HPSE2: variants seen among roughly 807,000 people sequenced by gnomAD.
HPSE2 encodes the protein heparanase 2 (inactive).
In HPSE2, 38 loss-of-function variants were observed where a neutral mutation model predicts 60.5. The observed-to-expected ratio is 0.63, with a 90% confidence interval of 0.48 to 0.82. The LOEUF is 0.82. HPSE2 is among the 40% of genes least tolerant of loss of function. The pLI is 0.00. For missense variants in HPSE2, 713 were observed against 740.4 expected, an observed-to-expected ratio of 0.96 and a Z score of 0.43; for synonymous variants, 295 against 293.2, an observed-to-expected ratio of 1.01 and a Z score of -0.06.
At chr10:98,736,732 T>C (rs1351864851) in intron 4 of HPSE2, among the ~76,000 whole-genome samples, 2 of 152,336 alleles carry the variant, frequency 1.3e-5, no homozygotes, top group Middle Eastern at 3.4e-3. Flanking sequence ...AAGTTTATCC[T>C]AACTTTACCT....
chr10:98,950,148 T>A (rs1179629428), intron 3 of HPSE2, among the ~76,000 whole-genome samples: 1 of 152,076 alleles, frequency 6.6e-6, no homozygotes, highest in Non-Finnish European at 1.5e-5. Context: ...GCTTGCTTCA[T>A]CAGAACAAGC....
At chr10:98,904,062 T>C (rs1451560764) in intron 3 of HPSE2, among the ~76,000 whole-genome samples, 6 of 152,192 alleles carry the variant, frequency 3.9e-5, no homozygotes, top group Admixed American at 3.9e-4. Flanking sequence ...TAAACATGTC[T>C]ACAAAAGTAT....
At chr10:99,221,193 T>A (rs1230948080) in intron 2 of HPSE2, among the ~76,000 whole-genome samples, 1 of 152,146 alleles carries the variant, frequency 6.6e-6, no homozygotes, top group Non-Finnish European at 1.5e-5. Flanking sequence ...AGAGTATTCA[T>A]GTGCATGCAT....
chr10:99,120,103 T>A (rs1025509314), intron 3 of HPSE2, among the ~76,000 whole-genome samples: 1 of 152,140 alleles, frequency 6.6e-6, no homozygotes, highest in Non-Finnish European at 1.5e-5. Context: ...CAGGATCTAA[T>A]TAAACTAAAG....
intron 4 of HPSE2, among the ~76,000 whole-genome samples, chr10:98,726,019 A>G (rs1327625025): frequency 6.6e-6 from 1 of 152,148 alleles, no homozygotes; most frequent in Non-Finnish European, 1.5e-5. Flanking sequence ...AAATAGGAAC[A>G]CTTTTACACC....
intron 2 of HPSE2, among the ~76,000 whole-genome samples, chr10:99,218,094 AT>A (rs1421112647): frequency 6.6e-6 from 1 of 152,032 alleles, no homozygotes; most frequent in Non-Finnish European, 1.5e-5. Context: ...TATTATTATA[AT>A]ACCTGGAAAC....
intron 3 of HPSE2, among the ~76,000 whole-genome samples, chr10:98,867,085 G>A (rs1219266642): frequency 1.3e-5 from 2 of 152,128 alleles, no homozygotes; most frequent in East Asian, 3.9e-4. Flanking sequence ...CATTAACAGA[G>A]TTTATAGGTC....
intron 3 of HPSE2, among the ~76,000 whole-genome samples, chr10:99,043,857 T>A (rs1304838972): frequency 6.6e-6 from 1 of 151,924 alleles, no homozygotes; most frequent in East Asian, 1.9e-4. Flanking sequence ...CTCCAAGAAA[T>A]ATGAGATTCT....
intron 2 of HPSE2, among the ~76,000 whole-genome samples, chr10:99,209,205 A>G (rs1339194342): frequency 6.6e-6 from 1 of 152,234 alleles, no homozygotes; most frequent in African/African-American, 2.4e-5. Flanking sequence ...TCTTGAGCAC[A>G]TACAGAAAAT....
At position 99,037,351 on chromosome 10, in the gene HPSE2, T is replaced by C. The variant is rs149043689; in HGVS notation, c.610+106887A>G. 2.8e-3 allele frequency among the ~76,000 whole-genome samples: 432 copies of C among 152,240 alleles called. 2 individuals are homozygous for C. The highest frequency in any genetic ancestry group is 0.01 in the Middle Eastern group (3 of 294). ...GTATTATACAATATCTCTTTCTTAG[T>C]TCTGATAATCATACCATAGTTATAC... On this transcript the variant is annotated intron_variant, in intron 3 of 11. Transcript: ENST00000370552.
the HPSE2 span, among the ~76,000 whole-genome samples, chr10:99,268,169 T>C: frequency 1.3e-5 from 2 of 152,062 alleles, no homozygotes; most frequent in East Asian, 3.9e-4. Flanking sequence ...ATGAAACAAT[T>C]ATCAGCCAAG....
At chr10:99,305,096 G>C in the HPSE2 span, among the ~76,000 whole-genome samples, 1 of 152,212 alleles carries the variant, frequency 6.6e-6, no homozygotes, top group East Asian at 1.9e-4. Context: ...TAGAGGCTGA[G>C]AATCCACACT....
intron 2 of HPSE2, among the ~76,000 whole-genome samples, chr10:99,208,732 TA>T (rs1216107195): frequency 6.6e-6 from 1 of 151,606 alleles, no homozygotes; most frequent in East Asian, 1.9e-4. Context: ...TGAATGGATT[TA>T]AAAAAATACT....
At chr10:99,188,555 A>G (rs1430639183) in intron 2 of HPSE2, among the ~76,000 whole-genome samples, 1 of 152,186 alleles carries the variant, frequency 6.6e-6, no homozygotes, top group African/African-American at 2.4e-5. Context: ...TAATTGAGAT[A>G]TCTACTAAAT....
At chr10:98,842,994 TG>T (rs1393381399) in intron 3 of HPSE2, among the ~76,000 whole-genome samples, 1 of 152,172 alleles carries the variant, frequency 6.6e-6, no homozygotes, top group East Asian at 1.9e-4. Context: ...TATACATTTA[TG>T]TTTCCTCCAT....
intron 3 of HPSE2, among the ~76,000 whole-genome samples, chr10:98,987,875 G>A (rs11527898): frequency 1.3e-5 from 2 of 151,684 alleles, no homozygotes; most frequent in Non-Finnish European, 3.0e-5. Context: ...GCCAAATCAT[G>A]AGTGAACTCC....
intron 3 of HPSE2, among the ~76,000 whole-genome samples, chr10:98,910,177 A>G (rs1007075460): frequency 6.6e-6 from 1 of 151,928 alleles, no homozygotes; most frequent in Non-Finnish European, 1.5e-5. Flanking sequence ...CCCCAAGCAC[A>G]GAGGAAAGAG....
intron 3 of HPSE2, among the ~76,000 whole-genome samples, chr10:98,996,877 C>G (rs1403408893): frequency 6.6e-6 from 1 of 152,040 alleles, no homozygotes; most frequent in Non-Finnish European, 1.5e-5. Flanking sequence ...TAAGTAAGTG[C>G]TGACTGGGAA....
At position 98,951,156 on chromosome 10, in the gene HPSE2, T is replaced by C. The variant is rs539867230; in HGVS notation, c.610+193082A>G. On this transcript the variant is annotated intron_variant, in intron 3 of 11. Transcript: ENST00000370552. ...TTTAATAGCATGAGGAGATAATCACTGGCCCCTTTTCTTTTTTAAACCAAA... is the reference window on the plus strand; with the variant it reads ...TTTAATAGCATGAGGAGATAATCACCGGCCCCTTTTCTTTTTTAAACCAAA... Among the ~76,000 whole-genome samples, 3 of 152,296 alleles carry C rather than the reference T, an allele frequency of 2.0e-5. No individual in the cohort carries two copies. The South Asian group carries it at 6.2e-4, about 32-fold the overall frequency.
Sources: allele counts gnomAD v4.1 joint callset (sites outside exome capture counted in the v4.1 genomes callset), GRCh38; gene constraint gnomAD v4.1.1; transcripts MANE v1.5; gene names NCBI Gene and HGNC (gene_info 2026-07-23, HGNC 2026-07-21).